The following ARL8B variants were observed in gnomAD, a reference collection of about 807,000 sequenced individuals.
ARL8B encodes ARF like GTPase 8B, also known as ADP-ribosylation factor-like protein 8B.
A neutral mutation model predicts 30.6 loss-of-function variants in ARL8B; 9 were observed. The observed-to-expected ratio is 0.29, with a 90% CI of 0.18 to 0.51. The LOEUF is 0.51. Among genes scored for constraint, ARL8B ranks in the 20% least tolerant of loss-of-function variants. ARL8B has a pLI of 0.97. For synonymous variants in ARL8B, 74 were observed against 76.0 expected (o/e 0.97, Z 0.14); for missense variants, 130 against 227.2 (o/e 0.57, Z 2.75).
At chr3:5,123,355 T>A (rs926236571) in intron 1 of ARL8B, among the ~76,000 whole-genome samples, 1 of 152,202 alleles carries the variant, frequency 6.6e-6, no homozygotes, top group African/African-American at 2.4e-5. Context: ...GGAACATAGC[T>A]TAGCAGGCCT....
intron 6 of ARL8B, among the ~76,000 whole-genome samples, chr3:5,177,822 T>C (rs1450257138): frequency 1.3e-5 from 2 of 152,222 alleles, no homozygotes; most frequent in East Asian, 3.8e-4. Flanking sequence ...TCAGTTCCAA[T>C]GAGTGTGGCT....
At chr3:5,172,282 G>C in intron 3 of ARL8B, 59 bp downstream of exon 3, 1 of 1,440,944 alleles carries the variant, frequency 6.9e-7, no homozygotes, top group Non-Finnish European at 9.6e-7. Context: ...AAAGAAGAAA[G>C]TTTATTTTAG....
chr3:5,173,092 G>GA (rs1410172090), intron 4 of ARL8B, among the ~76,000 whole-genome samples: 5 of 152,204 alleles, frequency 3.3e-5, no homozygotes, highest in African/African-American at 1.2e-4. Flanking sequence ...GTGCTAGGAA[G>GA]AAAGGTGCAA....
At chr3:5,175,581 T>TA (rs2054722596) in intron 6 of ARL8B, among the ~76,000 whole-genome samples, 1 of 152,228 alleles carries the variant, frequency 6.6e-6, no homozygotes, top group Non-Finnish European at 1.5e-5. Flanking sequence ...TATTAACTTC[T>TA]TAGAACTGCC....
chr3:5,161,965 C>T (rs934551836), intron 1 of ARL8B, among the ~76,000 whole-genome samples: 2 of 152,112 alleles, frequency 1.3e-5, no homozygotes, highest in African/African-American at 2.4e-5. Flanking sequence ...TAAGTGAGTA[C>T]ATAGAGGCAG....
At chr3:5,136,117 A>G (rs977100345) in intron 1 of ARL8B, among the ~76,000 whole-genome samples, 1 of 140,984 alleles carries the variant, frequency 7.1e-6, no homozygotes, top group African/African-American at 2.8e-5. Context: ...ATTATTATGT[A>G]TATTTTTGAG....
At chr3:5,176,440 A>G (rs1259760197) in intron 6 of ARL8B, among the ~76,000 whole-genome samples, 2 of 152,172 alleles carry the variant, frequency 1.3e-5, no homozygotes, top group Non-Finnish European at 2.9e-5. Context: ...CATGTTGGCC[A>G]TGCTGGTCTT....
At chr3:5,138,868 A>G (rs775877268) in intron 1 of ARL8B, among the ~76,000 whole-genome samples, 2 of 152,228 alleles carry the variant, frequency 1.3e-5, no homozygotes, top group Non-Finnish European at 2.9e-5. Flanking sequence ...GAGTGGCTTT[A>G]CAGTGCTTAC....
At chr3:5,150,576 A>G (rs760533581) in intron 1 of ARL8B, among the ~76,000 whole-genome samples, 3 of 152,006 alleles carry the variant, frequency 2.0e-5, no homozygotes, top group Non-Finnish European at 4.4e-5. Flanking sequence ...TGAGGTCAGG[A>G]GTTCAAGACC....
intron 6 of ARL8B, among the ~76,000 whole-genome samples, chr3:5,176,568 C>T (rs149244275): frequency 2.0e-4 from 30 of 152,260 alleles, no homozygotes; most frequent in South Asian, 4.1e-4. Flanking sequence ...TGTGGATAGT[C>T]GTTCTGGCTA....
chr3:5,164,260 G>A (rs1266855100), intron 1 of ARL8B, among the ~76,000 whole-genome samples: 1 of 152,142 alleles, frequency 6.6e-6, no homozygotes, highest in Non-Finnish European at 1.5e-5. Context: ...CTAATTGTCA[G>A]AATTCTTTAT....
intron 1 of ARL8B, among the ~76,000 whole-genome samples, chr3:5,130,923 T>C (rs1217732291): frequency 2.0e-5 from 3 of 152,142 alleles, no homozygotes; most frequent in Non-Finnish European, 4.4e-5. Context: ...TTTTCTTCGC[T>C]CTTTTCTTTT....
At chr3:5,125,366 A>T (rs578043198) in intron 1 of ARL8B, among the ~76,000 whole-genome samples, 1 of 152,242 alleles carries the variant, frequency 6.6e-6, no homozygotes, top group South Asian at 2.1e-4. Context: ...ACTTTGAATC[A>T]CTGTATCTAT....
intron 1 of ARL8B, among the ~76,000 whole-genome samples, chr3:5,160,332 T>G (rs1234243944): frequency 6.6e-6 from 1 of 152,230 alleles, no homozygotes; most frequent in Non-Finnish European, 1.5e-5. Context: ...GACAAGCAAG[T>G]TGAATTTTTA....
chr3:5,165,282 T>G (rs2054614651), intron 1 of ARL8B, among the ~76,000 whole-genome samples: 1 of 152,176 alleles, frequency 6.6e-6, no homozygotes, highest in South Asian at 2.1e-4. Flanking sequence ...ATTCTTTTTC[T>G]TACTAATGTA....
chr3:5,164,801 G>A (rs1303919637), intron 1 of ARL8B, among the ~76,000 whole-genome samples: 6 of 152,216 alleles, frequency 3.9e-5, no homozygotes, highest in Non-Finnish European at 5.9e-5. Flanking sequence ...TTTGGATGCA[G>A]TCTAGGATCA....
chr3:5,126,517 G>T (rs1464706467), intron 1 of ARL8B, among the ~76,000 whole-genome samples: 1 of 152,150 alleles, frequency 6.6e-6, no homozygotes. Context: ...AGATTTAATA[G>T]ATGTCATTTA....
chr3:5,154,297 T>C (rs1055531620), intron 1 of ARL8B, among the ~76,000 whole-genome samples: 1 of 152,112 alleles, frequency 6.6e-6, no homozygotes, highest in African/African-American at 2.4e-5. Context: ...TTCACAGTTT[T>C]GTTCATTTTT....
intron 1 of ARL8B, among the ~76,000 whole-genome samples, chr3:5,133,387 A>G (rs1346760673): frequency 1.3e-5 from 2 of 152,306 alleles, no homozygotes; most frequent in East Asian, 1.9e-4. Flanking sequence ...GTTATTACAG[A>G]GGTCTGGTTG....
Sources: allele counts gnomAD v4.1 joint callset (sites outside exome capture counted in the v4.1 genomes callset), GRCh38; gene constraint gnomAD v4.1.1; transcripts MANE v1.5; gene names NCBI Gene and HGNC (gene_info 2026-07-23, HGNC 2026-07-21).